MATR3: variants seen among roughly 807,000 people sequenced by gnomAD.
MATR3 encodes matrin 3.
A neutral mutation model predicts 85.5 loss-of-function variants in MATR3; 4 were observed. The ratio of observed to expected loss-of-function variants is 0.05; its 90% CI spans 0.02 to 0.11. The LOEUF (loss-of-function observed/expected upper bound fraction) is 0.11. Ranked by LOEUF, MATR3 falls within the 10% of genes least tolerant of loss-of-function variation. MATR3 has a pLI of 1.00. For synonymous variants in MATR3, 336 were observed against 343.1 expected, an observed-to-expected ratio of 0.98 and a Z score of 0.23; for missense variants, 685 against 1,016.1, an observed-to-expected ratio of 0.67 and a Z score of 4.43.
intron 9 of MATR3, 25 bp downstream of exon 9, chr5:139,319,526 A>G: frequency 6.3e-7 from 1 of 1,584,330 alleles, no homozygotes; most frequent in South Asian, 1.1e-5. Flanking sequence ...GAAGTTTTAG[A>G]GAAGATAATT....
rs572042111 is a variant in MATR3 at position 139,295,733 on chromosome 5, T to C, written c.-178+1928T>C. Among the ~76,000 whole-genome samples the C allele has an allele frequency of 1.4e-4, 21 of 152,168 alleles. 1 individual carries two copies. Among genetic ancestry groups the C allele is most frequent in the Non-Finnish European group, 2.6e-4 (18 of 68,014 alleles). The stretch of plus-strand genomic sequence containing the variant: ...GCATCACGTAGTTCAAATCCCTAAT[T>C]TTATAGAAGAGAAGGTTAAAGCCCA... On this transcript the variant is annotated intron_variant, in intron 1 of 14. Transcript: ENST00000394805.
intron 1 of MATR3, chr5:139,276,057 G>C (rs1753265424): frequency 2.2e-6 from 1 of 456,750 alleles, no homozygotes; most frequent in Non-Finnish European, 4.4e-6. Flanking sequence ...GTTTTGAGGG[G>C]AGGGACTCTG....
intron 5 of MATR3, 67 bp downstream of exon 5, chr5:139,316,255 A>G: frequency 8.0e-7 from 1 of 1,245,318 alleles, no homozygotes; most frequent in Non-Finnish European, 1.2e-6. Context: ...CTTTTTATTT[A>G]TTTATTTGAG....
At chr5:139,312,984 A>G (rs910652259) in intron 2 of MATR3, 1 of 151,058 alleles carries the variant, frequency 6.6e-6, no homozygotes, top group African/African-American at 2.4e-5. Context: ...TTACTAGAGC[A>G]TAGGAATGTA....
chr5:139,294,691 T>C (rs548033493), intron 1 of MATR3: 7 of 152,172 alleles, frequency 4.6e-5, no homozygotes, highest in Non-Finnish European at 1.0e-4. Context: ...TTAGTCCAGG[T>C]TCCTCCAGAG....
At position 139,330,351 on chromosome 5, in the gene MATR3, A is replaced by G. The variant is rs1756078379; in HGVS notation, c.*956A>G. On this transcript the variant is annotated 3_prime_UTR_variant, in exon 15 of 15. Coordinates refer to ENST00000394805, the MANE Select transcript of MATR3 (RefSeq NM_018834.6). Reference sequence around the variant, plus strand: ...AACTTTCTGGTTATATACTGCTTATATCTGTGGATTCAAGTTACTGAAGTG... The same window carrying G: ...AACTTTCTGGTTATATACTGCTTATGTCTGTGGATTCAAGTTACTGAAGTG... The G allele has an allele frequency of 8.8e-6, 4 of 454,394 alleles. No individual in the cohort carries two copies. Among genetic ancestry groups the G allele is most frequent in the Admixed American group, 4.7e-5 (2 of 42,526 alleles). 28.1% of individuals were successfully genotyped at this position (454,394 alleles called of 1,614,324 possible). A position where few individuals can be genotyped will look rare whatever the true frequency, so the allele number is the denominator to read the frequency against.
At chr5:139,301,454 G>A (rs1176198292) in intron 1 of MATR3, among the ~76,000 whole-genome samples, 1 of 152,040 alleles carries the variant, frequency 6.6e-6, no homozygotes, top group Non-Finnish European at 1.5e-5. Context: ...CAAGTAGCTG[G>A]GACTACAGGC....
intron 2 of MATR3, chr5:139,311,831 G>C (rs1334824504): frequency 8.1e-6 from 1 of 124,054 alleles, no homozygotes; most frequent in Non-Finnish European, 1.6e-5. Flanking sequence ...ACAGTGGCGT[G>C]ATCTTGGCTC....
At chr5:139,274,118 T>C in exon 1 of MATR3, 1 of 448,438 alleles carries the variant, frequency 2.2e-6, no homozygotes, top group Admixed American at 2.4e-5. Flanking sequence ...CCCTCCGGCC[T>C]CTGCCGGTGC....
intron 13 of MATR3, 34 bp from the exon 14 acceptor site, chr5:139,326,128 GT>G: frequency 1.3e-6 from 2 of 1,524,972 alleles, no homozygotes; most frequent in East Asian, 2.3e-5. Flanking sequence ...AAAATCTTCA[GT>G]TTAATTTGTA....
chr5:139,311,230 A>C (rs1754955688), intron 2 of MATR3: 1 of 152,178 alleles, frequency 6.6e-6, no homozygotes, highest in South Asian at 2.1e-4. Context: ...CCATTCTGTA[A>C]GTGCTTCCCA....
intron 12 of MATR3, among the ~76,000 whole-genome samples, chr5:139,324,290 GTTTTTTTT>G (rs767660135): frequency 2.8e-5 from 3 of 107,720 alleles, no homozygotes; most frequent in Admixed American, 2.4e-4. Context: ...GAGCATGATT[GTTTTTTTT>G]TTTTTTTTTT....
intron 3 of MATR3, among the ~76,000 whole-genome samples, chr5:139,287,934 G>A (rs769738405): frequency 6.6e-6 from 1 of 152,104 alleles, no homozygotes; most frequent in Non-Finnish European, 1.5e-5. Flanking sequence ...TTGGTGGCCG[G>A]GCATGGTGGC....
intron 1 of MATR3, chr5:139,294,394 C>G (rs1451311804): frequency 5.1e-6 from 1 of 195,684 alleles, no homozygotes; most frequent in African/African-American, 2.3e-5. Flanking sequence ...AGCAGCGTTT[C>G]TTTCTTTTCC....
At chr5:139,314,788 C>G (rs975975984) in intron 3 of MATR3, 52 bp downstream of exon 3, 2 of 1,548,630 alleles carry the variant, frequency 1.3e-6, no homozygotes, top group African/African-American at 2.7e-5. Flanking sequence ...CAGAATCAGC[C>G]ATTATTGGTT....
chr5:139,278,928 TGA>T, intron 2 of MATR3: 1 of 517,444 alleles, frequency 1.9e-6, no homozygotes, highest in Non-Finnish European at 3.8e-6. Flanking sequence ...TTTGCACCTC[TGA>T]GAGTGGAATG....
Position 139,322,125 on chromosome 5 carries a change from G to A in MATR3, c.1734+96G>A, listed in dbSNP as rs541749682. ...AACATTTTTGTATGCTAAAAATACAGGATTATTGAAACCTATTGAAATAAG... is the reference window on the plus strand; with the variant it reads ...AACATTTTTGTATGCTAAAAATACAAGATTATTGAAACCTATTGAAATAAG... On this transcript the variant is annotated intron_variant, in intron 10 of 14. Transcript: ENST00000394805. 414 of 1,382,162 alleles carry A rather than the reference G, an allele frequency of 3.0e-4. No individual in the cohort carries two copies. In the African/African-American group the frequency reaches 5.6e-3, roughly 19 times the overall value. The allele number at this position is 1,382,162 out of a possible 1,614,324, so 85.6% of individuals were successfully genotyped here.
chr5:139,294,258 G>A (rs1754015918), intron 1 of MATR3, among the ~76,000 whole-genome samples: 1 of 152,208 alleles, frequency 6.6e-6, no homozygotes, highest in Admixed American at 6.5e-5. Flanking sequence ...GCCGTTTGAG[G>A]AGGATGGTTA....
intron 1 of MATR3, among the ~76,000 whole-genome samples, chr5:139,297,655 G>T (rs749036881): frequency 8.5e-5 from 13 of 152,196 alleles, no homozygotes; most frequent in Non-Finnish European, 1.6e-4. Flanking sequence ...TGGCACTTCT[G>T]TGTGGATGGA....
Sources: allele counts gnomAD v4.1 joint callset (sites outside exome capture counted in the v4.1 genomes callset), GRCh38; gene constraint gnomAD v4.1.1; transcripts MANE v1.5; gene names NCBI Gene and HGNC (gene_info 2026-07-23, HGNC 2026-07-21).